PLD2: variants seen among roughly 807,000 people sequenced by gnomAD.
PLD2 encodes choline phosphatase 2.
In PLD2, 101 loss-of-function variants were observed where a neutral mutation model predicts 119.8. The ratio of observed to expected loss-of-function variants is 0.84; its 90% CI spans 0.72 to 0.99. The LOEUF is 0.99. Ranked by LOEUF, PLD2 falls within the 50% of genes least tolerant of loss-of-function variation. The probability of loss-of-function intolerance (pLI) is 0.00; values close to 1 mark genes in which losing one functional copy is unlikely to be tolerated. For missense variants in PLD2, 1,164 were observed against 1,226.8 expected, an observed-to-expected ratio of 0.95 and a Z score of 0.76; for synonymous variants, 494 against 482.8, an observed-to-expected ratio of 1.02 and a Z score of -0.30.
rs755949788 is a variant in PLD2, at chr17:4,808,238, C to T, written c.241-36C>T. On this transcript the variant is annotated intron_variant, in intron 3 of 24. Transcript: ENST00000263088. This position sits in a 1 kb window ranked among gnomAD's most constrained non-coding sequence, Gnocchi z 4.1. ...GCCAGAGTGGGGAGGCGGGGACCCACGCAGGGGACATCCATTCAGTTCCTC... is the reference window on the plus strand; with the variant it reads ...GCCAGAGTGGGGAGGCGGGGACCCATGCAGGGGACATCCATTCAGTTCCTC... 3.7e-6 allele frequency: 6 copies of T among 1,609,792 alleles called. No homozygotes were observed. Among genetic ancestry groups the T allele is most frequent in the Admixed American group, 1.7e-5 (1 of 59,804 alleles).
chr17:4,814,778 G>A, intron 12 of PLD2, 67 bp downstream of exon 12: 1 of 1,397,972 alleles, frequency 7.2e-7, no homozygotes, highest in Non-Finnish European at 1.0e-6. Flanking sequence ...TAGCAGGGCT[G>A]CAGTGTGGGA....
At chr17:4,811,297 C>CTTTTTTTTTTT (rs35190261) in intron 10 of PLD2, among the ~76,000 whole-genome samples, 4 of 77,850 alleles carry the variant, frequency 5.1e-5, no homozygotes, top group Non-Finnish European at 4.9e-5. Flanking sequence ...ATTTTCTTTT[C>CTTTTTTTTTTT]TTTTTTTTTT....
At chr17:4,818,960 C>A in intron 21 of PLD2, 124 bp from the exon 22 acceptor site, 1 of 1,504,994 alleles carries the variant, frequency 6.6e-7, no homozygotes, top group Non-Finnish European at 9.1e-7. Flanking sequence ...GCTGGCCTTT[C>A]ACTGCAGGGA....
intron 14 of PLD2, 149 bp from the exon 15 acceptor site, chr17:4,816,471 A>G (rs1362390511): frequency 1.2e-6 from 1 of 823,882 alleles, no homozygotes; most frequent in African/African-American, 1.7e-5. Context: ...TGTCAAAGGC[A>G]ACTGGAGGGG....
In PLD2 at chr17:4,807,889, G is replaced by A; in HGVS notation, c.109+8G>A. 1.2e-6 allele frequency: 2 copies of A among 1,612,154 alleles called. No individual in the cohort carries two copies. The highest frequency in any genetic ancestry group is 1.7e-6 in the Non-Finnish European group (2 of 1,178,420). On this transcript the variant is annotated splice_region_variant and intron_variant, in intron 2 of 24. Coordinates refer to ENST00000263088, the MANE Select transcript of PLD2 (RefSeq NM_002663.5). The surrounding 1 kb of genome is among the most constrained non-coding windows in gnomAD (Gnocchi z 5.4). Reference sequence around the variant, plus strand: ...AGGAGGGAGAGGACCCAGGTACACAGGGAAGATGGATGGCCCTCAGGGAGG... The same window carrying A: ...AGGAGGGAGAGGACCCAGGTACACAAGGAAGATGGATGGCCCTCAGGGAGG...
intron 10 of PLD2, among the ~76,000 whole-genome samples, chr17:4,811,190 C>T (rs1906428004): frequency 6.6e-6 from 1 of 152,098 alleles, no homozygotes; most frequent in African/African-American, 2.4e-5. Context: ...CCTCTCTAAC[C>T]TCCTATAACC....
At position 4,822,724 on chromosome 17, in the gene PLD2, A is replaced by C. The variant is rs1449509331; in HGVS notation, c.2662A>C (p.Ser888Arg). The change falls in exon 25 of 25, where the codon AGT becomes CGT. Residue 888 changes from serine (S) to arginine (R), a missense_variant. Physicochemically the swap from Ser to Arg is moderately radical, Grantham distance 110. Coordinates refer to ENST00000263088, the MANE Select transcript of PLD2 (RefSeq NM_002663.5). ...GGCCGTGGAGCCCTTGGCCACGGTCAGTCCCCCCTTGGCTCGGTCTGAGCT... is the reference window on the plus strand; with the variant it reads ...GGCCGTGGAGCCCTTGGCCACGGTCCGTCCCCCCTTGGCTCGGTCTGAGCT... Reference protein sequence around the residue: ...YVAVEPLATVSPPLARSELTQ... With the variant: ...YVAVEPLATVRPPLARSELTQ... 2.5e-6 allele frequency: 4 copies of C among 1,614,090 alleles called. No individual in the cohort carries two copies. Among genetic ancestry groups the C allele is most frequent in the Non-Finnish European group, 3.4e-6 (4 of 1,179,938 alleles).
chr17:4,823,119 A>G lies in PLD2; in HGVS notation c.*255A>G, dbSNP rs1055888768. 7.8e-5 allele frequency: 35 copies of G among 448,264 alleles called. No individual in the cohort carries two copies. Among genetic ancestry groups the G allele is most frequent in the African/African-American group, 6.1e-4 (31 of 51,082 alleles). The allele number at this position is 448,264 out of a possible 1,614,324, so 27.8% of individuals were successfully genotyped here. The stretch of plus-strand genomic sequence containing the variant: ...GCTGCCCAGTGCAAACCACTTCTCC[A>G]TGCTGCAAAGGAGAAGCACAGCTCC... On this transcript the variant is annotated 3_prime_UTR_variant, in exon 25 of 25. Coordinates refer to ENST00000263088, the MANE Select transcript of PLD2 (RefSeq NM_002663.5).
At position 4,819,408 on chromosome 17, in the gene PLD2, T is replaced by C; in HGVS notation, c.2309-21T>C. On this transcript the variant is annotated intron_variant, in intron 22 of 24. Transcript: ENST00000263088. This position sits in a 1 kb window ranked among gnomAD's most constrained non-coding sequence, Gnocchi z 4.2. ...GAGTGCCCTGGGCCCAAGCACACAGTGTGCCCCGCATCCACCCCAGGTTCT... is the reference window on the plus strand; with the variant it reads ...GAGTGCCCTGGGCCCAAGCACACAGCGTGCCCCGCATCCACCCCAGGTTCT... 6.2e-7 allele frequency: 1 copy of C among 1,611,734 alleles called. No homozygotes were observed. The highest frequency in any genetic ancestry group is 8.5e-7 in the Non-Finnish European group (1 of 1,178,886).
intron 23 of PLD2, among the ~76,000 whole-genome samples, chr17:4,820,556 CAAAA>C (rs1162927219): frequency 1.4e-5 from 1 of 73,590 alleles, no homozygotes; most frequent in African/African-American, 5.1e-5. Flanking sequence ...CGCCCCTGGC[CAAAA>C]AAAAAAAAAA....
At chr17:4,810,436 G>T (rs990544462) in intron 9 of PLD2, among the ~76,000 whole-genome samples, 3 of 152,108 alleles carry the variant, frequency 2.0e-5, no homozygotes, top group African/African-American at 7.2e-5. Context: ...CCTGAGGTCA[G>T]GAGTTCGAGA....
chr17:4,820,033 G>C (rs1358307272), intron 23 of PLD2, among the ~76,000 whole-genome samples: 2 of 151,750 alleles, frequency 1.3e-5, no homozygotes, highest in Non-Finnish European at 2.9e-5. Context: ...TGCAACCTCT[G>C]CCCTGGGTTC....
chr17:4,818,649 C>T (rs1907297535), intron 20 of PLD2, 42 bp downstream of exon 20: 5 of 1,554,410 alleles, frequency 3.2e-6, no homozygotes, highest in Non-Finnish European at 4.4e-6. Context: ...GGCCCCATCC[C>T]ACCCGTGTCC....
Position 4,818,559 on chromosome 17 carries a change from C to G in PLD2, c.2075C>G (p.Ser692Cys). The G allele has an allele frequency of 3.1e-6, 5 of 1,613,994 alleles. No homozygotes were observed. Among genetic ancestry groups the G allele is most frequent in the Non-Finnish European group, 3.4e-6 (4 of 1,179,944 alleles). The part of the protein sequence containing the change: ...PLLPGFEGDI[S>C]TGGGNSIQAI... Reference sequence around the variant, plus strand: ...CTCCCTGGCTTCGAGGGTGACATCTCCACGGGCGGTGGCAACTCCATCCAG... The same window carrying G: ...CTCCCTGGCTTCGAGGGTGACATCTGCACGGGCGGTGGCAACTCCATCCAG... Residue 692 changes from serine to cysteine, a missense_variant, in exon 20 of 25, where the codon TCC becomes TGC. By Grantham distance (112) the Ser-to-Cys change is moderately radical. Coordinates refer to ENST00000263088, the MANE Select transcript of PLD2 (RefSeq NM_002663.5).
In PLD2 at chr17:4,814,630, C is replaced by G. The variant is rs748514221; in HGVS notation, c.1095-3C>G. 3.7e-6 allele frequency: 6 copies of G among 1,613,980 alleles called. No homozygotes were observed. Among genetic ancestry groups the G allele is most frequent in the African/African-American group, 1.3e-5 (1 of 74,882 alleles). Reference sequence around the variant, plus strand: ...GCCCCTAATCCACTGCCCTGAATCCCAGGTTGAGTCCTGAGGTTTACCTGA... The same window carrying G: ...GCCCCTAATCCACTGCCCTGAATCCGAGGTTGAGTCCTGAGGTTTACCTGA... On this transcript the variant is annotated splice_polypyrimidine_tract_variant and splice_region_variant and intron_variant, in intron 11 of 24. Coordinates refer to ENST00000263088, the MANE Select transcript of PLD2 (RefSeq NM_002663.5).
chr17:4,816,473 C>G (rs1906982915), intron 14 of PLD2, 147 bp from the exon 15 acceptor site: 2 of 840,254 alleles, frequency 2.4e-6, no homozygotes, highest in South Asian at 3.1e-5. Context: ...TCAAAGGCAA[C>G]TGGAGGGGAG....
chr17:4,810,960 C>CT lies in PLD2; in HGVS notation c.1010+10dup. On this transcript the variant is annotated intron_variant, in intron 10 of 24. Transcript: ENST00000263088. Reference sequence around the variant, plus strand: ...GGGACCTTGGCCCGGTGGTGAGACACTGACATCCCTTCTGAGCTTGTCTGT... The same window carrying CT: ...GGGACCTTGGCCCGGTGGTGAGACACTTGACATCCCTTCTGAGCTTGTCTGT... 6.2e-7 allele frequency: 1 copy of CT among 1,605,772 alleles called. No individual in the cohort carries two copies. The highest frequency in any genetic ancestry group is 8.5e-7 in the Non-Finnish European group (1 of 1,177,928).
rs746275598 is a variant in PLD2, at chr17:4,808,372, C to T, written c.339C>T (p.Asp113=). ...GTCATTTTCAGGAGCTGCATCGGGACCTCCTGAGACACAAAGTCTTGATGA... is the reference window on the plus strand; with the variant it reads ...GTCATTTTCAGGAGCTGCATCGGGATCTCCTGAGACACAAAGTCTTGATGA... ...KYRHFQELHR[D]LLRHKVLMSL... The change falls in exon 4 of 25, where the codon GAC becomes GAT. Residue 113 remains aspartate, a synonymous_variant. Coordinates refer to ENST00000263088, the MANE Select transcript of PLD2 (RefSeq NM_002663.5). The surrounding 1 kb of genome is among the most constrained non-coding windows in gnomAD (Gnocchi z 4.1). 1 of 1,613,984 alleles carries T rather than the reference C, an allele frequency of 6.2e-7. No homozygotes were observed. Among genetic ancestry groups the T allele is most frequent in the East Asian group, 2.2e-5 (1 of 44,874 alleles).
At position 4,821,863 on chromosome 17, in the gene PLD2, T is replaced by A; in HGVS notation, c.2533T>A (p.Leu845Met). 1 of 1,613,878 alleles carries A rather than the reference T, an allele frequency of 6.2e-7. No homozygotes were observed. Among genetic ancestry groups the A allele is most frequent in the Non-Finnish European group, 8.5e-7 (1 of 1,179,932 alleles). ...RDPICDDFFQ[L>M]WQDMAESNAN... ...CCCCATCTGTGATGACTTCTTCCAGTTGTGGCAAGACATGGCTGAGAGCAA... is the reference window on the plus strand; with the variant it reads ...CCCCATCTGTGATGACTTCTTCCAGATGTGGCAAGACATGGCTGAGAGCAA... Residue 845 changes from leucine (L) to methionine (M), a missense_variant, in exon 24 of 25, where the codon TTG becomes ATG. By Grantham distance (15) the Leu-to-Met change is conservative. Coordinates refer to ENST00000263088, the MANE Select transcript of PLD2 (RefSeq NM_002663.5).
Sources: allele counts gnomAD v4.1 joint callset (sites outside exome capture counted in the v4.1 genomes callset), GRCh38; gene constraint gnomAD v4.1.1; non-coding constraint Gnocchi (gnomAD v3.1); transcripts MANE v1.5; gene names NCBI Gene and HGNC (gene_info 2026-07-23, HGNC 2026-07-21).